Variants in SLC12A7 observed in about 807,000 individuals in gnomAD.
SLC12A7 encodes solute carrier family 12 member 7.
Under a neutral mutation model 120.6 loss-of-function variants are expected in SLC12A7, and 100 were observed. The observed-to-expected ratio is 0.83, with a 90% CI of 0.71 to 0.98. The LOEUF is 0.98. SLC12A7 is among the 50% of genes least tolerant of loss of function. The pLI is 0.00. For synonymous variants in SLC12A7, 760 were observed against 678.0 expected (o/e 1.12, Z -1.88); for missense variants, 1,373 against 1,548.1 (o/e 0.89, Z 1.90).
Position 1,052,227 on chromosome 5 carries a change from C to T in SLC12A7, c.*133G>A, listed in dbSNP as rs776667034. 14 of 762,276 alleles carry T rather than the reference C, an allele frequency of 1.8e-5. No homozygotes were observed. The African/African-American group carries it at 2.1e-4, about 11-fold the overall frequency. 47.2% of individuals were successfully genotyped at this position (762,276 alleles called of 1,614,324 possible). On this transcript the variant is annotated 3_prime_UTR_variant, in exon 24 of 24. Transcript: ENST00000264930. ...CGGGCCTAGAAACTTCCGTAGGAAGCCCCATGGGCAGCTTGGGCGGCATCA... is the reference window on the plus strand; with the variant it reads ...CGGGCCTAGAAACTTCCGTAGGAAGTCCCATGGGCAGCTTGGGCGGCATCA...
At position 1,082,537 on chromosome 5, in the gene SLC12A7, G is replaced by C. The variant is rs868415459; in HGVS notation, c.1130-793C>G. On this transcript the variant is annotated intron_variant, in intron 8 of 23. Transcript: ENST00000264930. Reference sequence around the variant, plus strand: ...TCCGGGCTTCCCGTCTCAGGTTCTGGAAAGTCCGGGCTTCCTGTCTCGGGT... The same window carrying C: ...TCCGGGCTTCCCGTCTCAGGTTCTGCAAAGTCCGGGCTTCCTGTCTCGGGT... 2.9e-5 allele frequency among the ~76,000 whole-genome samples: 4 copies of C among 136,062 alleles called. No homozygotes were observed. The South Asian group carries it at 7.9e-4, about 27-fold the overall frequency. 89.3% of individuals were successfully genotyped at this position (136,062 alleles called of 152,430 possible).
chr5:1,076,058 G>A lies in SLC12A7; in HGVS notation c.1847+80C>T, dbSNP rs567226474. ...AGCCTGTGGGGCTCCTGACGCCTGT[G>A]CTGAGCGGCCTCACCAGTGGCAGAG... On this transcript the variant is annotated intron_variant, in intron 14 of 23. Transcript: ENST00000264930. 9.0e-6 allele frequency: 11 copies of A among 1,226,302 alleles called. No individual in the cohort carries two copies. The Admixed American group carries it at 1.1e-4, about 12-fold the overall frequency. The allele number at this position is 1,226,302 out of a possible 1,614,324, so 76.0% of individuals were successfully genotyped here. A position where few individuals can be genotyped will look rare whatever the true frequency, so the allele number is the denominator to read the frequency against.
intron 7 of SLC12A7, among the ~76,000 whole-genome samples, chr5:1,084,175 C>T (rs1360965718): frequency 1.3e-5 from 2 of 151,712 alleles, no homozygotes; most frequent in African/African-American, 4.9e-5. Context: ...GGACCGGGGA[C>T]TGGGGACCAG....
chr5:1,116,829 C>A (rs1344817908), upstream of SLC12A7, among the ~76,000 whole-genome samples: 2 of 149,126 alleles, frequency 1.3e-5, no homozygotes, highest in Non-Finnish European at 2.9e-5. Context: ...CCACAGGTGA[C>A]TTCTTTCCCG....
intron 9 of SLC12A7, among the ~76,000 whole-genome samples, chr5:1,080,391 G>A (rs913508179): frequency 6.6e-6 from 1 of 152,222 alleles, no homozygotes; most frequent in Non-Finnish European, 1.5e-5. Flanking sequence ...TACAGGGAGA[G>A]GACCCCCGGC....
intron 22 of SLC12A7, among the ~76,000 whole-genome samples, chr5:1,056,353 C>A (rs536883316): frequency 6.6e-6 from 1 of 152,146 alleles, no homozygotes; most frequent in Non-Finnish European, 1.5e-5. Context: ...AGGCTTCAGG[C>A]GTGTGCTGGA....
At chr5:1,143,697 G>T in the SLC12A7 span, among the ~76,000 whole-genome samples, 1 of 152,188 alleles carries the variant, frequency 6.6e-6, no homozygotes, top group Non-Finnish European at 1.5e-5. Context: ...TTCACCCAGA[G>T]CGCTGCCACC....
chr5:1,118,948 C>G, the SLC12A7 span, among the ~76,000 whole-genome samples: 1 of 152,174 alleles, frequency 6.6e-6, no homozygotes, highest in South Asian at 2.1e-4. Context: ...GCTCACAACC[C>G]ACACTGAGCA....
chr5:1,066,089 C>A (rs572056040), intron 17 of SLC12A7, among the ~76,000 whole-genome samples: 14 of 152,312 alleles, frequency 9.2e-5, no homozygotes, highest in African/African-American at 3.4e-4. Context: ...CGCACTAAAG[C>A]CATGCATGTG....
intron 22 of SLC12A7, 92 bp from the exon 23 acceptor site, chr5:1,053,574 A>G (rs1735286512): frequency 6.7e-7 from 1 of 1,490,036 alleles, no homozygotes; most frequent in Non-Finnish European, 9.1e-7. Context: ...CTGCATTCAC[A>G]CGTGTTGGAA....
the SLC12A7 span, among the ~76,000 whole-genome samples, chr5:1,124,277 G>C: frequency 1.3e-5 from 2 of 152,172 alleles, no homozygotes; most frequent in Non-Finnish European, 2.9e-5. Context: ...ATCCCTCACT[G>C]TTTTCGAGGA....
In SLC12A7 at chr5:1,083,870, G is replaced by T. The variant is rs761935860; in HGVS notation, c.1004C>A (p.Thr335Asn). The T allele has an allele frequency of 6.2e-7, 1 of 1,608,156 alleles. No homozygotes were observed. The highest frequency in any genetic ancestry group is 8.5e-7 in the Non-Finnish European group (1 of 1,177,520). Residue 335 changes from threonine (T) to asparagine (N), a missense_variant, in exon 8 of 24, where the codon ACC becomes AAC. Thr to Asn is a moderately conservative substitution (Grantham distance 65). Transcript: ENST00000264930. ...KAYGIHNNSA[T>N]SALWGLFCNG... ...GCAGAAGAGGCCCCAGAGCGCGGAG[G>T]TGGCTGAGTTGTTGTGGATGCCGTA...
chr5:1,125,868 G>A, the SLC12A7 span, among the ~76,000 whole-genome samples: 396 of 149,280 alleles, frequency 2.7e-3, 1 homozygote, highest in African/African-American at 9.3e-3. Flanking sequence ...GAAGTTGCAG[G>A]GAGCTGAGAT....
intron 1 of SLC12A7, among the ~76,000 whole-genome samples, chr5:1,110,347 G>A (rs886520916): frequency 1.3e-5 from 2 of 152,192 alleles, no homozygotes; most frequent in Admixed American, 1.3e-4. Flanking sequence ...CTCCTGACAC[G>A]CCCGTAGCAG....
chr5:1,120,078 TC>T, the SLC12A7 span, among the ~76,000 whole-genome samples: 4 of 152,116 alleles, frequency 2.6e-5, 1 homozygote, highest in African/African-American at 9.7e-5. Context: ...GTGCAGTGGA[TC>T]CCCCTGGGGC....
chr5:1,086,506 C>A (rs1318065386), intron 6 of SLC12A7, among the ~76,000 whole-genome samples: 1 of 152,222 alleles, frequency 6.6e-6, no homozygotes, highest in Admixed American at 6.5e-5. Flanking sequence ...GGCTCTGGGA[C>A]CCTCGGCCAA....
intron 1 of SLC12A7, among the ~76,000 whole-genome samples, chr5:1,095,415 G>A (rs1260483293): frequency 6.6e-6 from 1 of 152,178 alleles, no homozygotes; most frequent in Non-Finnish European, 1.5e-5. Context: ...GTGAGGAGCT[G>A]AAGGGCATCA....
intron 3 of SLC12A7, among the ~76,000 whole-genome samples, chr5:1,090,248 C>T (rs1395678863): frequency 6.6e-6 from 1 of 152,142 alleles, no homozygotes; most frequent in African/African-American, 2.4e-5. Flanking sequence ...ACAGACTGGC[C>T]AAGGCTGGGG....
Position 1,087,053 on chromosome 5 carries a change from A to T in SLC12A7, c.545-20T>A. 6.2e-7 allele frequency: 1 copy of T among 1,606,106 alleles called. No homozygotes were observed. Among genetic ancestry groups the T allele is most frequent in the Non-Finnish European group, 8.5e-7 (1 of 1,176,006 alleles). On this transcript the variant is annotated intron_variant, in intron 5 of 23. Coordinates refer to ENST00000264930, the MANE Select transcript of SLC12A7 (RefSeq NM_006598.3). ...CGCCAGCTGCGGAGACAAAGGCGGC[A>T]GCCGCGGGTCAGGGGCGCACTTGGA...
Sources: gnomAD v4.1 joint callset for allele counts (sites outside exome capture counted in the v4.1 genomes callset) on GRCh38, gnomAD v4.1.1 for gene constraint, MANE v1.5 for transcripts, NCBI Gene and HGNC (gene_info 2026-07-23, HGNC 2026-07-21) for gene names.